Variants in PLEKHA5 observed in about 807,000 individuals in gnomAD.
The protein encoded by PLEKHA5 is pleckstrin homology domain containing A5.
In PLEKHA5, 55 loss-of-function variants were observed where a neutral mutation model predicts 181.9. The observed-to-expected ratio is 0.30, with a 90% CI of 0.24 to 0.38. The LOEUF is 0.38. Ranked by LOEUF, PLEKHA5 falls within the 10% of genes least tolerant of loss-of-function variation. PLEKHA5 has a pLI of 1.00. For synonymous variants in PLEKHA5, 535 were observed against 529.4 expected, an observed-to-expected ratio of 1.01 and a Z score of -0.15; for missense variants, 1,432 against 1,549.5, an observed-to-expected ratio of 0.92 and a Z score of 1.27.
chr12:19,197,887 A>C (rs114811125), intron 3 of PLEKHA5, among the ~76,000 whole-genome samples: 102 of 151,142 alleles, frequency 6.7e-4, no homozygotes, highest in African/African-American at 2.4e-3. Flanking sequence ...GCTGCCTTGC[A>C]GCCATTCTCA....
chr12:19,286,386 T>C (rs1327711639), intron 12 of PLEKHA5, among the ~76,000 whole-genome samples: 3 of 152,314 alleles, frequency 2.0e-5, no homozygotes, highest in Middle Eastern at 3.4e-3. Flanking sequence ...TTTTGAGCTA[T>C]AGCGCAGTGT....
chr12:19,367,255 CTTCTT>C (rs1279390928), intron 30 of PLEKHA5, among the ~76,000 whole-genome samples: 1 of 107,676 alleles, frequency 9.3e-6, no homozygotes, highest in Non-Finnish European at 1.8e-5. Context: ...CGCTTTGCTT[CTTCTT>C]TTTTTTTTTT....
intron 20 of PLEKHA5, among the ~76,000 whole-genome samples, chr12:19,325,246 C>A (rs2091818095): frequency 6.6e-6 from 1 of 152,088 alleles, no homozygotes; most frequent in South Asian, 2.1e-4. Context: ...AAAAAAGTAG[C>A]TGGGCATGGT....
At chr12:19,280,314 G>C (rs540321883) in intron 11 of PLEKHA5, among the ~76,000 whole-genome samples, 2 of 152,174 alleles carry the variant, frequency 1.3e-5, no homozygotes, top group African/African-American at 4.8e-5. Context: ...GGGATTACAG[G>C]GGTGAGCCGC....
intron 21 of PLEKHA5, among the ~76,000 whole-genome samples, chr12:19,340,418 G>GGGGTCAGC (rs2093783561): frequency 1.3e-5 from 1 of 77,272 alleles, no homozygotes; most frequent in Non-Finnish European, 3.7e-5. Context: ...GGTGAGGGGC[G>GGGGTCAGC]CCTCTGCCCG....
Position 19,291,698 on chromosome 12 carries a change from G to A in PLEKHA5, c.2037+1G>A. ...GAACACCATATATTTGGATCATCAG[G>A]TGGGATTCATAGAGATTTTCTTACT... On this transcript the variant is annotated splice_donor_variant, in intron 15 of 31. Transcript: ENST00000429027. LOFTEE classifies it high-confidence loss of function. 1.3e-6 allele frequency: 2 copies of A among 1,486,746 alleles called. No homozygotes were observed. The highest frequency in any genetic ancestry group is 1.8e-6 in the Non-Finnish European group (2 of 1,104,968). 92.1% of individuals were successfully genotyped at this position (1,486,746 alleles called of 1,614,324 possible).
At chr12:19,305,460 C>G (rs911402925) in intron 15 of PLEKHA5, among the ~76,000 whole-genome samples, 4 of 151,374 alleles carry the variant, frequency 2.6e-5, no homozygotes, top group African/African-American at 9.7e-5. Context: ...ACTCAGGAGG[C>G]TGAGGCAGGA....
At chr12:19,234,806 G>C (rs372629407) in intron 3 of PLEKHA5, among the ~76,000 whole-genome samples, 2 of 152,228 alleles carry the variant, frequency 1.3e-5, no homozygotes, top group South Asian at 2.1e-4. Context: ...AACAGTGAAG[G>C]CTTTATTATA....
intron 3 of PLEKHA5, among the ~76,000 whole-genome samples, chr12:19,137,929 G>A (rs1242921257): frequency 6.6e-6 from 1 of 152,150 alleles, no homozygotes; most frequent in Non-Finnish European, 1.5e-5. Flanking sequence ...CAACTCAAGT[G>A]GTTGCATTTT....
At chr12:19,311,090 A>C (rs1301932878) in intron 15 of PLEKHA5, among the ~76,000 whole-genome samples, 1 of 152,024 alleles carries the variant, frequency 6.6e-6, no homozygotes, top group Non-Finnish European at 1.5e-5. Context: ...ATTTCTCTGT[A>C]GCATGCAGTG....
chr12:19,129,924 G>A lies in PLEKHA5; in HGVS notation c.89+36G>A, dbSNP rs770210420. ...GGGGACGGCACGGGGGCCCGCGGGG[G>A]CGGGAGGGCAGGAGGCGGGCGGCTG... is the stretch of plus-strand genomic sequence containing the variant. On this transcript the variant is annotated intron_variant, in intron 1 of 31. Transcript: ENST00000429027. 7 of 1,566,356 alleles carry A rather than the reference G, an allele frequency of 4.5e-6. No individual in the cohort carries two copies. The Admixed American group carries it at 1.2e-4, about 27-fold the overall frequency.
chr12:19,320,730 G>A, intron 18 of PLEKHA5, 106 bp downstream of exon 18: 1 of 550,252 alleles, frequency 1.8e-6, no homozygotes, highest in East Asian at 3.0e-5. Context: ...GTCCTCCAAA[G>A]TGACATCAGG....
At chr12:19,314,326 A>G (rs10770473) in intron 15 of PLEKHA5, among the ~76,000 whole-genome samples, 82,527 of 152,002 alleles carry the variant, frequency 0.54, 26,484 homozygotes, top group Non-Finnish European at 0.74. Context: ...CTTTAATAAA[A>G]TATGTGATTA....
chr12:19,265,116 G>A (rs1425089827), intron 7 of PLEKHA5, among the ~76,000 whole-genome samples: 7 of 152,154 alleles, frequency 4.6e-5, no homozygotes, highest in Non-Finnish European at 8.8e-5. Flanking sequence ...TTTAAAAAGC[G>A]TATAATTTAT....
rs1308908680 is a variant in PLEKHA5 at position 19,269,850 on chromosome 12, A to C, written c.792A>C (p.Leu264Phe). The change falls in exon 9 of 32, where the codon TTA becomes TTC. Residue 264 changes from leucine to phenylalanine, a missense_variant. This residue lies in a region of PLEKHA5 where 289 missense variants were observed against 381.1 expected (regional missense o/e 0.76). Transcript: ENST00000429027. ...TGGAGTTGTGGATGAAAGCCATGTT[A>C]GATGCTGCCCTAGTACAGACAGAAC... ...KEMELWMKAM[L>F]DAALVQTEPV... 4.4e-6 allele frequency: 7 copies of C among 1,603,728 alleles called. No individual in the cohort carries two copies. Among genetic ancestry groups the C allele is most frequent in the Non-Finnish European group, 6.0e-6 (7 of 1,170,564 alleles).
intron 18 of PLEKHA5, among the ~76,000 whole-genome samples, chr12:19,321,126 A>G (rs2090584153): frequency 6.6e-6 from 1 of 151,366 alleles, no homozygotes; most frequent in Admixed American, 6.6e-5. Context: ...AGATCATTCC[A>G]CTGCACTCTA....
In PLEKHA5 at chr12:19,376,120, A is replaced by C. The variant is rs1325849901; in HGVS notation, c.*601A>C. Reference sequence around the variant, plus strand: ...TTACTGCCACACTCCTGTCAGCTTAAACACAAATGTTACTGCTTATCTTTT... The same window carrying C: ...TTACTGCCACACTCCTGTCAGCTTACACACAAATGTTACTGCTTATCTTTT... On this transcript the variant is annotated 3_prime_UTR_variant, in exon 32 of 32. Coordinates refer to ENST00000429027, the MANE Select transcript of PLEKHA5 (RefSeq NM_001256470.2). 3 of 152,202 alleles carry C rather than the reference A, an allele frequency of 2.0e-5. No homozygotes were observed. Among genetic ancestry groups the C allele is most frequent in the Non-Finnish European group, 4.4e-5 (3 of 67,958 alleles). 9.4% of individuals were successfully genotyped at this position (152,202 alleles called of 1,614,324 possible). A position where few individuals can be genotyped will look rare whatever the true frequency, so the allele number is the denominator to read the frequency against.
chr12:19,328,558 AGTGTGTGTGTGTGT>A (rs56041821), intron 20 of PLEKHA5, among the ~76,000 whole-genome samples: 34 of 141,796 alleles, frequency 2.4e-4, no homozygotes, highest in African/African-American at 6.2e-4. Context: ...CTTTCCTAGG[AGTGTGTGTGTGTGT>A]GTGTGTGTGT....
At chr12:19,256,418 G>A (rs534978318) in intron 5 of PLEKHA5, among the ~76,000 whole-genome samples, 2 of 152,140 alleles carry the variant, frequency 1.3e-5, no homozygotes, top group African/African-American at 2.4e-5. Flanking sequence ...TAGATAGATA[G>A]GCACACACAT....
Sources: gnomAD v4.1 joint callset for allele counts (sites outside exome capture counted in the v4.1 genomes callset) on GRCh38, gnomAD v4.1.1 for gene constraint, gnomAD v4.1.1 regional missense constraint, MANE v1.5 for transcripts, NCBI Gene and HGNC (gene_info 2026-07-23, HGNC 2026-07-21) for gene names.